PTPRM: variants seen among roughly 807,000 people sequenced by gnomAD.
The protein encoded by PTPRM is protein tyrosine phosphatase receptor type M, also known as receptor-type tyrosine-protein phosphatase mu.
Under a neutral mutation model 186.7 loss-of-function variants are expected in PTPRM, and 47 were observed. The observed-to-expected ratio is 0.25, with a 90% CI of 0.20 to 0.32. The LOEUF (loss-of-function observed/expected upper bound fraction) is 0.32, where lower values mean the gene tolerates loss of function less well. Ranked by LOEUF, PTPRM falls within the 10% of genes least tolerant of loss-of-function variation. The pLI is 1.00. For synonymous variants in PTPRM, 668 were observed against 674.9 expected (o/e 0.99, Z 0.16); for missense variants, 1,494 against 1,865.0 (o/e 0.80, Z 3.66).
chr18:8,039,657 T>G (rs1396442610), intron 7 of PTPRM, among the ~76,000 whole-genome samples: 1 of 152,180 alleles, frequency 6.6e-6, no homozygotes, highest in African/African-American at 2.4e-5. Context: ...ACATCATTTT[T>G]TTGTAGTGAG....
chr18:7,845,285 A>C (rs570700646), intron 2 of PTPRM, among the ~76,000 whole-genome samples: 1 of 152,304 alleles, frequency 6.6e-6, no homozygotes, highest in South Asian at 2.1e-4. Context: ...TTGTGTTCAA[A>C]ATTGTTGCAT....
chr18:7,974,850 C>G (rs1455523169), intron 7 of PTPRM, among the ~76,000 whole-genome samples: 1 of 152,154 alleles, frequency 6.6e-6, no homozygotes, highest in East Asian at 1.9e-4. Context: ...GGATTGATTG[C>G]CTTAGTGCAC....
intron 7 of PTPRM, among the ~76,000 whole-genome samples, chr18:7,987,320 T>A (rs904283746): frequency 2.6e-5 from 4 of 152,224 alleles, no homozygotes; most frequent in African/African-American, 9.6e-5. Context: ...TATGATGATG[T>A]TAGTGGGTTG....
chr18:7,727,500 C>T (rs1312277831), intron 1 of PTPRM, among the ~76,000 whole-genome samples: 1 of 151,858 alleles, frequency 6.6e-6, no homozygotes, highest in Non-Finnish European at 1.5e-5. Context: ...TTTTTTTTGT[C>T]ATGAAGTTTC....
At chr18:8,319,048 G>A (rs2095328731) in intron 21 of PTPRM, 130 bp from the exon 22 acceptor site, 4 of 654,666 alleles carry the variant, frequency 6.1e-6, no homozygotes, top group South Asian at 1.7e-5. Flanking sequence ...TGCTGGGTTG[G>A]CCATTTAACT....
At chr18:7,932,309 T>A (rs1052919265) in intron 5 of PTPRM, among the ~76,000 whole-genome samples, 1 of 152,200 alleles carries the variant, frequency 6.6e-6, no homozygotes, top group African/African-American at 2.4e-5. Flanking sequence ...ATACCATTTT[T>A]AAATATCTTA....
At chr18:8,185,718 A>G (rs1036516070) in intron 14 of PTPRM, among the ~76,000 whole-genome samples, 1 of 152,190 alleles carries the variant, frequency 6.6e-6, no homozygotes, top group Admixed American at 6.5e-5. Flanking sequence ...CTTTTGTGAA[A>G]AGTTTCTCTA....
intron 1 of PTPRM, among the ~76,000 whole-genome samples, chr18:7,664,425 T>C (rs190227349): frequency 6.6e-6 from 1 of 152,342 alleles, no homozygotes; most frequent in African/African-American, 2.4e-5. Flanking sequence ...TAAGCCCTTG[T>C]GAGCACAGGG....
At chr18:8,121,709 A>C (rs2092179588) in intron 13 of PTPRM, 1 of 152,302 alleles carries the variant, frequency 6.6e-6, no homozygotes, top group Admixed American at 6.5e-5. Context: ...TATCAGAGAA[A>C]TTTTTCTACA....
chr18:7,764,320 G>C (rs1161390174), intron 1 of PTPRM, among the ~76,000 whole-genome samples: 1 of 152,134 alleles, frequency 6.6e-6, no homozygotes, highest in African/African-American at 2.4e-5. Flanking sequence ...ATGCATGCTT[G>C]TAATAATCTG....
chr18:8,210,014 A>T (rs1214492479), intron 14 of PTPRM, among the ~76,000 whole-genome samples: 1 of 128,210 alleles, frequency 7.8e-6, no homozygotes, highest in African/African-American at 3.0e-5. Flanking sequence ...AAAAAAAAAA[A>T]AAAAAGGTGC....
intron 7 of PTPRM, among the ~76,000 whole-genome samples, chr18:8,013,834 A>G (rs2084689560): frequency 6.6e-6 from 1 of 152,246 alleles, no homozygotes; most frequent in Non-Finnish European, 1.5e-5. Flanking sequence ...ATCAAACTGT[A>G]GGAGTTATAA....
intron 2 of PTPRM, among the ~76,000 whole-genome samples, chr18:7,798,575 C>A (rs1482405137): frequency 6.6e-6 from 1 of 151,710 alleles, no homozygotes; most frequent in Non-Finnish European, 1.5e-5. Context: ...TATTTTATCA[C>A]AATTACAAAC....
At chr18:7,792,698 A>C (rs1278618214) in intron 2 of PTPRM, among the ~76,000 whole-genome samples, 4 of 152,066 alleles carry the variant, frequency 2.6e-5, no homozygotes, top group Non-Finnish European at 5.9e-5. Context: ...ATAGGGTCTC[A>C]TTCTGTCGCC....
At position 8,394,532 on chromosome 18, in the gene PTPRM, T is replaced by C; in HGVS notation, c.4265T>C (p.Leu1422Pro). 6.2e-7 allele frequency: 1 copy of C among 1,613,788 alleles called. No individual in the cohort carries two copies. Among genetic ancestry groups the C allele is most frequent in the Non-Finnish European group, 8.5e-7 (1 of 1,179,910 alleles). ...FCAISIVCEM[L>P]RHQRTVDVFH... ...GCCATCAGCATCGTATGTGAGATGCTCCGGCACCAGAGAACCGTGGATGTC... is the reference window on the plus strand; with the variant it reads ...GCCATCAGCATCGTATGTGAGATGCCCCGGCACCAGAGAACCGTGGATGTC... Residue 1422 changes from leucine to proline, a missense_variant, in exon 32 of 33, where the codon CTC becomes CCC. Leu to Pro is a moderately conservative substitution (Grantham distance 98). Coordinates refer to ENST00000580170, the MANE Select transcript of PTPRM (RefSeq NM_001105244.2).
intron 7 of PTPRM, among the ~76,000 whole-genome samples, chr18:7,972,829 A>T (rs984232885): frequency 1.3e-5 from 2 of 152,120 alleles, no homozygotes; most frequent in East Asian, 1.9e-4. Context: ...GCCAGAAATC[A>T]TCATCGTTAA....
At chr18:7,842,631 G>T (rs913779826) in intron 2 of PTPRM, among the ~76,000 whole-genome samples, 2 of 151,910 alleles carry the variant, frequency 1.3e-5, no homozygotes, top group African/African-American at 4.8e-5. Flanking sequence ...AAAGCTTTTA[G>T]AAAAGAGACA....
chr18:8,070,701 C>A (rs1441921323), intron 8 of PTPRM, among the ~76,000 whole-genome samples: 1 of 152,130 alleles, frequency 6.6e-6, no homozygotes, highest in African/African-American at 2.4e-5. Flanking sequence ...ACACAGGGAA[C>A]CCTTGTGTGT....
chr18:8,187,903 C>T (rs145219185), intron 14 of PTPRM, among the ~76,000 whole-genome samples: 11 of 152,298 alleles, frequency 7.2e-5, no homozygotes, highest in East Asian at 5.8e-4. Context: ...TCATTCCATT[C>T]GCCTTTTGGA....
Sources: allele counts gnomAD v4.1 joint callset (sites outside exome capture counted in the v4.1 genomes callset), GRCh38; gene constraint gnomAD v4.1.1; transcripts MANE v1.5; gene names NCBI Gene and HGNC (gene_info 2026-07-23, HGNC 2026-07-21).